The following MYOM2 variants were observed in gnomAD, a reference collection of about 807,000 sequenced individuals.
MYOM2 encodes myomesin-2.
In MYOM2, 254 loss-of-function variants were observed where a neutral mutation model predicts 187.6. The ratio of observed to expected loss-of-function variants is 1.35; its 90% CI spans 1.22 to 1.50. MYOM2 has a LOEUF of 1.50. MYOM2 is among the 40% of genes most tolerant of loss of function. The pLI is 0.00. For missense variants in MYOM2, 2,796 were observed against 1,924.0 expected (o/e 1.45, Z -8.48); for synonymous variants, 981 against 753.8 (o/e 1.30, Z -4.94).
intron 8 of MYOM2, among the ~76,000 whole-genome samples, chr8:2,071,725 C>T (rs1303239750): frequency 6.6e-6 from 1 of 152,188 alleles, no homozygotes; most frequent in African/African-American, 2.4e-5. Flanking sequence ...ATGGCCGGGG[C>T]AGTTTACGAA....
In MYOM2 at chr8:2,073,367, G is replaced by A. The variant is rs771981018; in HGVS notation, c.987G>A (p.Thr329=). 11 of 1,612,422 alleles carry A rather than the reference G, an allele frequency of 6.8e-6. No homozygotes were observed. The highest frequency in any genetic ancestry group is 1.6e-4 in the Middle Eastern group (1 of 6,080). ...DDVLLKESKW[T]KMFFGEGQAS... ...TGCTGTTGAAAGAGTCCAAGTGGAC[G>A]AAGATGTTCTTTGGAGAAGGCCAGG... The change falls in exon 10 of 37, where the codon ACG becomes ACA. Residue 329 remains threonine, a synonymous_variant. Coordinates refer to ENST00000262113, the MANE Select transcript of MYOM2 (RefSeq NM_003970.4).
chr8:2,077,955 A>G (rs1315731499), intron 11 of MYOM2, among the ~76,000 whole-genome samples: 2 of 152,156 alleles, frequency 1.3e-5, no homozygotes, highest in Non-Finnish European at 2.9e-5. Context: ...GACAGCTTTC[A>G]TTAAAAGTGC....
chr8:2,059,259 G>A lies in MYOM2; in HGVS notation c.653+14G>A. On this transcript the variant is annotated intron_variant, in intron 6 of 36. Coordinates refer to ENST00000262113, the MANE Select transcript of MYOM2 (RefSeq NM_003970.4). ...GGAGATCAACAGGTATGGCTGTGGTGGGGGCTCTGGACGCTGGCGTCCAGT... is the reference window on the plus strand; with the variant it reads ...GGAGATCAACAGGTATGGCTGTGGTAGGGGCTCTGGACGCTGGCGTCCAGT... 1 of 1,611,712 alleles carries A rather than the reference G, an allele frequency of 6.2e-7. No individual in the cohort carries two copies. The highest frequency in any genetic ancestry group is 8.5e-7 in the Non-Finnish European group (1 of 1,178,138).
chr8:2,060,968 T>G (rs1818833572), intron 6 of MYOM2, among the ~76,000 whole-genome samples: 1 of 148,410 alleles, frequency 6.7e-6, no homozygotes, highest in African/African-American at 2.5e-5. Context: ...GAGATGGGGG[T>G]GAGGGGGTTC....
chr8:2,047,347 G>A (rs1348376023), intron 1 of MYOM2, among the ~76,000 whole-genome samples: 1 of 152,196 alleles, frequency 6.6e-6, no homozygotes, highest in Non-Finnish European at 1.5e-5. Flanking sequence ...CCCCCAAGGA[G>A]TGAAGAGATT....
At chr8:2,065,095 A>G (rs533469321) in intron 6 of MYOM2, among the ~76,000 whole-genome samples, 3 of 152,210 alleles carry the variant, frequency 2.0e-5, no homozygotes, top group Admixed American at 6.5e-5. Flanking sequence ...TTTCAAGTAC[A>G]TTGTTTTATT....
intron 32 of MYOM2, among the ~76,000 whole-genome samples, chr8:2,132,009 T>C (rs1441428083): frequency 6.6e-6 from 1 of 152,222 alleles, no homozygotes; most frequent in Non-Finnish European, 1.5e-5. Flanking sequence ...ATTTGACTAT[T>C]AAACAACATG....
intron 27 of MYOM2, among the ~76,000 whole-genome samples, chr8:2,116,504 T>C (rs1797250494): frequency 6.6e-6 from 1 of 152,158 alleles, no homozygotes; most frequent in Non-Finnish European, 1.5e-5. Flanking sequence ...TCCAGCAATT[T>C]TAATGAAAAG....
intron 14 of MYOM2, among the ~76,000 whole-genome samples, chr8:2,088,429 C>T (rs1428030427): frequency 6.6e-6 from 1 of 152,214 alleles, no homozygotes; most frequent in Non-Finnish European, 1.5e-5. Context: ...TCAGCCCTTG[C>T]TCTGTCTGGT....
At chr8:2,116,482 G>T (rs1351356184) in intron 27 of MYOM2, among the ~76,000 whole-genome samples, 1 of 152,174 alleles carries the variant, frequency 6.6e-6, no homozygotes, top group East Asian at 1.9e-4. Flanking sequence ...TAGCTTTAAT[G>T]TCCAGACGGA....
intron 6 of MYOM2, 52 bp from the exon 7 acceptor site, chr8:2,069,226 T>A: frequency 6.4e-7 from 1 of 1,553,570 alleles, no homozygotes; most frequent in Non-Finnish European, 8.8e-7. Context: ...TTCGGGTCAC[T>A]GACTTTTACA....
At chr8:2,083,978 G>A (rs1009347248) in intron 13 of MYOM2, among the ~76,000 whole-genome samples, 5 of 152,240 alleles carry the variant, frequency 3.3e-5, no homozygotes, top group African/African-American at 9.6e-5. Context: ...GCTGTCAGCG[G>A]CTCACACCTG....
intron 6 of MYOM2, among the ~76,000 whole-genome samples, chr8:2,066,608 G>A (rs556577532): frequency 2.6e-5 from 4 of 152,306 alleles, no homozygotes; most frequent in South Asian, 4.2e-4. Context: ...CAATGCCCAC[G>A]GGTCCTGCAG....
intron 13 of MYOM2, among the ~76,000 whole-genome samples, chr8:2,084,026 C>G (rs903537983): frequency 1.3e-5 from 2 of 152,250 alleles, no homozygotes; most frequent in African/African-American, 4.8e-5. Context: ...CCTTCTGTCC[C>G]CTTGGTTTGC....
intron 28 of MYOM2, among the ~76,000 whole-genome samples, chr8:2,121,572 G>A (rs1372457367): frequency 2.6e-5 from 4 of 152,206 alleles, no homozygotes; most frequent in African/African-American, 9.6e-5. Flanking sequence ...CCTGTGATTC[G>A]GTGCACCATT....
chr8:2,101,080 T>C (rs766459070), intron 20 of MYOM2, 26 bp downstream of exon 20: 15 of 1,610,792 alleles, frequency 9.3e-6, no homozygotes, highest in Non-Finnish European at 1.3e-5. Flanking sequence ...CTGTGGTGGC[T>C]CATGCCTGTA....
intron 25 of MYOM2, among the ~76,000 whole-genome samples, chr8:2,112,439 C>G (rs896843295): frequency 1.3e-5 from 2 of 151,874 alleles, no homozygotes; most frequent in African/African-American, 4.8e-5. Context: ...ATGAGACATT[C>G]CAAGCCGCTC....
intron 1 of MYOM2, among the ~76,000 whole-genome samples, chr8:2,046,500 G>T (rs1479354035): frequency 1.3e-5 from 2 of 152,174 alleles, no homozygotes; most frequent in Admixed American, 6.5e-5. Context: ...ATTTCCCTGG[G>T]GACGGTCTGT....
Position 2,145,051 on chromosome 8 carries a change from A to C in MYOM2, c.*70A>C, listed in dbSNP as rs1012516679. On this transcript the variant is annotated 3_prime_UTR_variant, in exon 37 of 37. Transcript: ENST00000262113. ...ACAGGAATGCTGTGTGCTTGTTCCA[A>C]ATGAGCAGCTGGCATCCGAGTGGTG... The C allele has an allele frequency of 2.6e-6, 4 of 1,542,160 alleles. No homozygotes were observed. Among genetic ancestry groups the C allele is most frequent in the East Asian group, 2.3e-5 (1 of 43,536 alleles).
Sources: gnomAD v4.1 joint callset for allele counts (sites outside exome capture counted in the v4.1 genomes callset) on GRCh38, gnomAD v4.1.1 for gene constraint, MANE v1.5 for transcripts, NCBI Gene and HGNC (gene_info 2026-07-23, HGNC 2026-07-21) for gene names.